The following GRIN2A variants were observed in gnomAD, a reference collection of about 807,000 sequenced individuals.
GRIN2A encodes the protein glutamate receptor ionotropic, NMDA 2A.
GRIN2A carries 22 observed loss-of-function variants against 113.4 expected under a neutral mutation model. The ratio of observed to expected loss-of-function variants is 0.19; its 90% CI spans 0.14 to 0.28. GRIN2A has a LOEUF of 0.28. Ranked by LOEUF, GRIN2A falls within the 10% of genes least tolerant of loss-of-function variation. The pLI is 1.00. For missense variants in GRIN2A, 1,502 were observed against 1,887.0 expected, an observed-to-expected ratio of 0.80 and a Z score of 3.78; for synonymous variants, 827 against 738.4, an observed-to-expected ratio of 1.12 and a Z score of -1.94.
intron 2 of GRIN2A, among the ~76,000 whole-genome samples, chr16:10,051,058 GT>G (rs2047350031): frequency 6.6e-6 from 1 of 152,182 alleles, no homozygotes; most frequent in South Asian, 2.1e-4. Flanking sequence ...ATGTAGTTAG[GT>G]GGTAGGATGA....
At chr16:10,171,179 C>G (rs1027878393) in intron 2 of GRIN2A, among the ~76,000 whole-genome samples, 2 of 152,126 alleles carry the variant, frequency 1.3e-5, no homozygotes, top group African/African-American at 4.8e-5. Flanking sequence ...AAAATAAGAG[C>G]AAAAGAATAA....
At chr16:9,958,528 G>A (rs575379432) in intron 2 of GRIN2A, among the ~76,000 whole-genome samples, 8 of 152,224 alleles carry the variant, frequency 5.3e-5, no homozygotes, top group East Asian at 1.9e-4. Context: ...TATGTCTGAG[G>A]TGTGACCCAG....
intron 11 of GRIN2A, among the ~76,000 whole-genome samples, chr16:9,779,796 T>G (rs985406058): frequency 3.3e-5 from 5 of 152,132 alleles, no homozygotes; most frequent in Admixed American, 1.3e-4. Context: ...TCCTCTCCCT[T>G]TTCCCAAGTC....
At chr16:9,937,293 T>C (rs546562475) in intron 3 of GRIN2A, among the ~76,000 whole-genome samples, 1 of 152,246 alleles carries the variant, frequency 6.6e-6, no homozygotes, top group South Asian at 2.1e-4. Flanking sequence ...AGACCTACTA[T>C]ACGATAGCAT....
Position 9,754,895 on chromosome 16 carries a change from A to G in GRIN2A, c.*8254T>C. On this transcript the variant is annotated 3_prime_UTR_variant, in exon 13 of 13. Coordinates refer to ENST00000330684, the MANE Select transcript of GRIN2A (RefSeq NM_001134407.3). ...CTTGAAACAGCAAAATGTCAGATCA[A>G]TGGGAAGCATTTAAAATGCCAAAGA... is the stretch of plus-strand genomic sequence containing the variant. 1 of 223,712 alleles carries G rather than the reference A, an allele frequency of 4.5e-6. No individual in the cohort carries two copies. The highest frequency in any genetic ancestry group is 6.5e-5 in the East Asian group (1 of 15,402). 13.9% of individuals were successfully genotyped at this position (223,712 alleles called of 1,614,324 possible). A position where few individuals can be genotyped will look rare whatever the true frequency, so the allele number is the denominator to read the frequency against.
chr16:9,847,534 C>A (rs2042793710), intron 5 of GRIN2A, among the ~76,000 whole-genome samples: 1 of 151,820 alleles, frequency 6.6e-6, no homozygotes, highest in South Asian at 2.1e-4. Flanking sequence ...CACTGCACTC[C>A]AGCCTGGGGG....
rs1900296423 is a variant in GRIN2A, at chr16:9,754,971, C to T, written c.*8178G>A. 2 of 209,448 alleles carry T rather than the reference C, an allele frequency of 9.5e-6. No homozygotes were observed. Among genetic ancestry groups the T allele is most frequent in the East Asian group, 7.2e-5 (1 of 13,872 alleles). 13.0% of individuals were successfully genotyped at this position (209,448 alleles called of 1,614,324 possible). On this transcript the variant is annotated 3_prime_UTR_variant, in exon 13 of 13. Transcript: ENST00000330684. ...TTAACCTCATTAATTTGAAAGGCAG[C>T]TGTGGTATTGGCTATGAGTTATGTT...
chr16:9,962,631 G>A (rs1386201939), intron 2 of GRIN2A, among the ~76,000 whole-genome samples: 1 of 152,180 alleles, frequency 6.6e-6, no homozygotes, highest in Non-Finnish European at 1.5e-5. Flanking sequence ...TGGAGAGGAT[G>A]TGGAGAAATA....
At chr16:10,106,791 A>G (rs2048508768) in intron 2 of GRIN2A, among the ~76,000 whole-genome samples, 1 of 152,254 alleles carries the variant, frequency 6.6e-6, no homozygotes, top group Admixed American at 6.5e-5. Flanking sequence ...ATGAACAGAA[A>G]GGCAACAGGT....
chr16:10,161,220 C>G (rs1163371464), intron 2 of GRIN2A, among the ~76,000 whole-genome samples: 4 of 152,134 alleles, frequency 2.6e-5, no homozygotes, highest in Non-Finnish European at 4.4e-5. Context: ...GGCTTTTCCC[C>G]CTTTTGCTCA....
intron 2 of GRIN2A, among the ~76,000 whole-genome samples, chr16:10,131,897 T>C (rs972056286): frequency 6.6e-6 from 1 of 152,200 alleles, no homozygotes; most frequent in African/African-American, 2.4e-5. Context: ...TTACTACTAC[T>C]GTTATTATTT....
At chr16:10,102,649 CAATT>C (rs2048422777) in intron 2 of GRIN2A, among the ~76,000 whole-genome samples, 1 of 152,052 alleles carries the variant, frequency 6.6e-6, no homozygotes, top group Non-Finnish European at 1.5e-5. Context: ...TAGGTTCAAG[CAATT>C]CTTGTGCCTC....
intron 2 of GRIN2A, chr16:10,111,621 C>T (rs1404937883): frequency 2.0e-5 from 27 of 1,371,940 alleles, no homozygotes; most frequent in Admixed American, 1.3e-4. Context: ...ACATGGCCAT[C>T]GCGATGGCTC....
At chr16:10,107,061 G>C (rs1272718325) in intron 2 of GRIN2A, among the ~76,000 whole-genome samples, 1 of 152,172 alleles carries the variant, frequency 6.6e-6, no homozygotes, top group Non-Finnish European at 1.5e-5. Context: ...ACCCCTAAGG[G>C]ACATCATGAA....
intron 4 of GRIN2A, among the ~76,000 whole-genome samples, chr16:9,889,740 C>G (rs767547578): frequency 1.1e-4 from 16 of 152,060 alleles, no homozygotes; most frequent in Non-Finnish European, 1.9e-4. Context: ...GTTGCCATTT[C>G]CAAATATTTG....
At chr16:10,155,337 T>C (rs2049667006) in intron 2 of GRIN2A, among the ~76,000 whole-genome samples, 2 of 152,132 alleles carry the variant, frequency 1.3e-5, no homozygotes, top group Admixed American at 6.6e-5. Flanking sequence ...AATATCCTTG[T>C]TGGTCTTTTC....
At chr16:9,942,543 A>G (rs2044909219) in intron 2 of GRIN2A, among the ~76,000 whole-genome samples, 1 of 152,172 alleles carries the variant, frequency 6.6e-6, no homozygotes, top group Non-Finnish European at 1.5e-5. Context: ...TGACTTTGAC[A>G]GTTTGGGTGC....
intron 4 of GRIN2A, among the ~76,000 whole-genome samples, chr16:9,880,700 G>A (rs2043461817): frequency 2.0e-5 from 3 of 152,306 alleles, no homozygotes; most frequent in South Asian, 4.1e-4. Flanking sequence ...TGGGCCTTGG[G>A]CACTCTTGCC....
At chr16:10,074,103 C>T (rs67828712) in intron 2 of GRIN2A, among the ~76,000 whole-genome samples, 21,171 of 152,076 alleles carry the variant, frequency 0.14, 1,968 homozygotes, top group African/African-American at 0.26. Context: ...GGCATACAAA[C>T]AGCCACTAAG....
Sources: gnomAD v4.1 joint callset for allele counts (sites outside exome capture counted in the v4.1 genomes callset) on GRCh38, gnomAD v4.1.1 for gene constraint, MANE v1.5 for transcripts, NCBI Gene and HGNC (gene_info 2026-07-23, HGNC 2026-07-21) for gene names.